C4orf51: variants seen among roughly 807,000 people sequenced by gnomAD.
C4orf51 encodes uncharacterized protein C4orf51.
C4orf51 carries 25 observed loss-of-function variants against 25.2 expected under a neutral mutation model. That is an observed-to-expected ratio of 0.99 (90% CI 0.72 to 1.39). C4orf51 has a LOEUF of 1.39. C4orf51 is among the 40% of genes most tolerant of loss of function. The pLI is 0.00. For missense variants in C4orf51, 252 were observed against 239.6 expected, an observed-to-expected ratio of 1.05 and a Z score of -0.34; for synonymous variants, 100 against 84.5, an observed-to-expected ratio of 1.18 and a Z score of -1.01.
At chr4:145,757,482 T>A (rs561745714), downstream of C4orf51, 1 of 152,192 alleles carries the variant, frequency 6.6e-6, no homozygotes, top group South Asian at 2.1e-4. Context: ...ACACTTGAAT[T>A]TTGTGACAGT....
At chr4:145,722,033 T>G (rs1731768680) in intron 2 of C4orf51, among the ~76,000 whole-genome samples, 2 of 152,188 alleles carry the variant, frequency 1.3e-5, no homozygotes, top group Admixed American at 6.5e-5. Flanking sequence ...ATAATAGAAC[T>G]GCCTTCTTTA....
chr4:145,756,107 C>CT (rs772618129), downstream of C4orf51, among the ~76,000 whole-genome samples: 11 of 152,180 alleles, frequency 7.2e-5, no homozygotes, highest in Non-Finnish European at 1.2e-4. Flanking sequence ...CCCACATGAC[C>CT]TTTGGCAGGC....
intron 5 of C4orf51, among the ~76,000 whole-genome samples, chr4:145,730,535 G>A (rs1732400682): frequency 3.3e-5 from 5 of 152,260 alleles, no homozygotes. Flanking sequence ...CATTCTTAGA[G>A]AGTAAGTTGA....
At chr4:145,726,313 T>C (rs1732051905) in intron 2 of C4orf51, among the ~76,000 whole-genome samples, 1 of 152,246 alleles carries the variant, frequency 6.6e-6, no homozygotes, top group Admixed American at 6.5e-5. Flanking sequence ...TTTATTTGTG[T>C]TGGGAACATT....
At chr4:145,769,860 A>G (rs1218419791) in intron 1 of C4orf51, among the ~76,000 whole-genome samples, 2 of 152,238 alleles carry the variant, frequency 1.3e-5, no homozygotes, top group Non-Finnish European at 2.9e-5. Flanking sequence ...AAACAGCACA[A>G]ATTAGGAAAT....
In C4orf51 at chr4:145,718,054, A is replaced by G. The variant is rs530191212; in HGVS notation, c.308-8857A>G. ...TGCAAACAATGATACAGCTGGGCCA[A>G]CACTCACTGGCTTTCCCTTTCCTTT... On this transcript the variant is annotated intron_variant, in intron 2 of 5. Coordinates refer to ENST00000438731, the MANE Select transcript of C4orf51 (RefSeq NM_001080531.3). 3.3e-5 allele frequency among the ~76,000 whole-genome samples: 5 copies of G among 152,232 alleles called. No individual in the cohort carries two copies. In the East Asian group the frequency reaches 5.8e-4, roughly 18 times the overall value.
downstream of C4orf51, chr4:145,774,646 T>G (rs1284700264): frequency 6.2e-6 from 10 of 1,613,676 alleles, no homozygotes; most frequent in Non-Finnish European, 8.5e-6. Flanking sequence ...GACATTGAGC[T>G]CGGTCTCAAA....
At chr4:145,774,798 C>A, downstream of C4orf51, 2 of 1,120,588 alleles carry the variant, frequency 1.8e-6, no homozygotes, top group East Asian at 2.6e-5. Context: ...TGTCTCTCCA[C>A]CAAAAGGTTT....
At chr4:145,689,991 G>T (rs1208492164) in intron 1 of C4orf51, among the ~76,000 whole-genome samples, 2 of 149,882 alleles carry the variant, frequency 1.3e-5, no homozygotes, top group Admixed American at 1.3e-4. Context: ...GATTACCTGA[G>T]GTCAGGAGTT....
At chr4:145,729,477 AT>A (rs575926268) in intron 4 of C4orf51, among the ~76,000 whole-genome samples, 1 of 151,216 alleles carries the variant, frequency 6.6e-6, no homozygotes, top group Non-Finnish European at 1.5e-5. Context: ...AATTTTTTGT[AT>A]TTTTAGTAGA....
chr4:145,732,738 A>C lies in C4orf51; in HGVS notation c.*178A>C. 2.1e-6 allele frequency: 1 copy of C among 467,044 alleles called. No individual in the cohort carries two copies. The highest frequency in any genetic ancestry group is 3.3e-5 in the East Asian group (1 of 29,890). The allele number at this position is 467,044 out of a possible 1,614,324, so 28.9% of individuals were successfully genotyped here. A position where few individuals can be genotyped will look rare whatever the true frequency, so the allele number is the denominator to read the frequency against. On this transcript the variant is annotated 3_prime_UTR_variant, in exon 6 of 6. Transcript: ENST00000438731. The stretch of plus-strand genomic sequence containing the variant: ...TCATTTATCAGTTTTTTCCCTTTTT[A>C]ATTGGTGGAGAGAGACAAAAGTTTT...
intron 3 of C4orf51, among the ~76,000 whole-genome samples, chr4:145,728,567 C>T (rs936769150): frequency 3.3e-5 from 5 of 152,136 alleles, no homozygotes; most frequent in Admixed American, 3.3e-4. Flanking sequence ...CTGGGAGCCT[C>T]CAGTCACAAC....
At chr4:145,788,181 T>C in the C4orf51 span, among the ~76,000 whole-genome samples, 1 of 152,210 alleles carries the variant, frequency 6.6e-6, no homozygotes, top group Non-Finnish European at 1.5e-5. Context: ...TGCTTAGTGC[T>C]AGGTAACAGC....
At chr4:145,779,275 C>T in the C4orf51 span, 1 of 1,453,810 alleles carries the variant, frequency 6.9e-7, no homozygotes, top group South Asian at 1.4e-5. Flanking sequence ...ATTCCCAGCA[C>T]TTCCTGTAAT....
At chr4:145,701,641 A>T (rs148911100) in intron 2 of C4orf51, among the ~76,000 whole-genome samples, 9,905 of 151,398 alleles carry the variant, frequency 0.065, 390 homozygotes, top group Middle Eastern at 0.13. Flanking sequence ...GTGGAAGGTA[A>T]GTCCGTCCCC....
At chr4:145,790,142 T>C in the C4orf51 span, among the ~76,000 whole-genome samples, 2 of 152,354 alleles carry the variant, frequency 1.3e-5, no homozygotes, top group African/African-American at 4.8e-5. Flanking sequence ...AAAGACTGTA[T>C]TAGGTGACAG....
chr4:145,738,458 ACAT>A (rs1231469226), intron 1 of C4orf51, among the ~76,000 whole-genome samples: 4 of 49,934 alleles, frequency 8.0e-5, no homozygotes, highest in Non-Finnish European at 8.7e-5. Flanking sequence ...TCGAAAAAAA[ACAT>A]ATATATATAT....
chr4:145,791,276 G>C, the C4orf51 span, among the ~76,000 whole-genome samples: 2 of 152,148 alleles, frequency 1.3e-5, no homozygotes, highest in African/African-American at 4.8e-5. Context: ...AAGAGGCAAG[G>C]GGTCTTTTAT....
chr4:145,765,871 C>T lies in C4orf51; in HGVS notation n.167-5117C>T, dbSNP rs1735211227. The T allele has an allele frequency of 3.4e-6, 3 of 886,890 alleles. No individual in the cohort carries two copies. Among genetic ancestry groups the T allele is most frequent in the African/African-American group, 1.7e-5 (1 of 58,866 alleles). 54.9% of individuals were successfully genotyped at this position (886,890 alleles called of 1,614,324 possible). A position where few individuals can be genotyped will look rare whatever the true frequency, so the allele number is the denominator to read the frequency against. ...GCACAGGCTCATGTCCCCAGCTCCC[C>T]CACTGCTGGGGGATCCCAGGTCCTA... On this transcript the variant is annotated intron_variant and non_coding_transcript_variant, in intron 1 of 1. Coordinates refer to the C4orf51 transcript ENST00000510096. The surrounding 1 kb of genome is among the most constrained non-coding windows in gnomAD (Gnocchi z 4.7).
Sources: allele counts gnomAD v4.1 joint callset (sites outside exome capture counted in the v4.1 genomes callset), GRCh38; gene constraint gnomAD v4.1.1; non-coding constraint Gnocchi (gnomAD v3.1); transcripts MANE v1.5; gene names NCBI Gene and HGNC (gene_info 2026-07-23, HGNC 2026-07-21).